The following TBX15 variants were observed in gnomAD, a reference collection of about 807,000 sequenced individuals.
The protein encoded by TBX15 is T-box transcription factor 15.
A neutral mutation model predicts 53.9 loss-of-function variants in TBX15; 18 were observed. That is an observed-to-expected ratio of 0.33 (90% CI 0.23 to 0.49). The LOEUF (loss-of-function observed/expected upper bound fraction) is 0.49. TBX15 is among the 20% of genes least tolerant of loss of function. The pLI is 0.98. For missense variants in TBX15, 692 were observed against 749.5 expected, an observed-to-expected ratio of 0.92 and a Z score of 0.90; for synonymous variants, 295 against 278.0, an observed-to-expected ratio of 1.06 and a Z score of -0.61.
chr1:118,984,713 C>G (rs1657771455), intron 1 of TBX15, among the ~76,000 whole-genome samples: 1 of 152,220 alleles, frequency 6.6e-6, no homozygotes, highest in Admixed American at 6.5e-5. Flanking sequence ...GAGGGTACCT[C>G]ACAGACCCTT....
intron 1 of TBX15, among the ~76,000 whole-genome samples, chr1:118,936,384 A>G (rs1655966499): frequency 6.6e-6 from 1 of 152,148 alleles, no homozygotes; most frequent in Non-Finnish European, 1.5e-5. Context: ...TCTCCACTTA[A>G]CAGTTAATTT....
At chr1:118,905,694 G>T (rs946205) in intron 6 of TBX15, among the ~76,000 whole-genome samples, 134,342 of 152,216 alleles carry the variant, frequency 0.88, 59,437 homozygotes, top group Middle Eastern at 0.9. Context: ...GCAAAATTTT[G>T]GGGGGCTGGT....
intron 6 of TBX15, 134 bp from the exon 7 acceptor site, chr1:118,899,259 T>G (rs1654534860): frequency 1.2e-6 from 1 of 838,590 alleles, no homozygotes; most frequent in Non-Finnish European, 2.0e-6. Context: ...CAAGGTAAAT[T>G]CGGGTGAAAA....
At chr1:118,940,005 T>C (rs1347421011) in intron 1 of TBX15, among the ~76,000 whole-genome samples, 1 of 151,900 alleles carries the variant, frequency 6.6e-6, no homozygotes, top group African/African-American at 2.4e-5. Flanking sequence ...TGTCAGAGTG[T>C]GAATTGAATT....
chr1:118,988,859 G>GAAAC (rs529522656), upstream of TBX15, among the ~76,000 whole-genome samples: 109 of 152,334 alleles, frequency 7.2e-4, no homozygotes, highest in African/African-American at 2.2e-3. Context: ...AAGGCAAAAG[G>GAAAC]AAACAAACAA....
intron 1 of TBX15, among the ~76,000 whole-genome samples, chr1:118,986,383 A>G (rs1475237665): frequency 6.6e-6 from 1 of 152,208 alleles, no homozygotes; most frequent in Non-Finnish European, 1.5e-5. Context: ...ATAATTCCCC[A>G]GCACTAAACT....
Position 118,986,000 on chromosome 1 carries a change from T to C in TBX15, c.205+1591A>G, listed in dbSNP as rs140061653. Among the ~76,000 whole-genome samples, 281 of 152,354 alleles carry C rather than the reference T, an allele frequency of 1.8e-3. 1 individual carries two copies. The highest frequency in any genetic ancestry group is 6.2e-3 in the African/African-American group (259 of 41,592). On this transcript the variant is annotated intron_variant, in intron 1 of 7. Coordinates refer to ENST00000369429, the MANE Select transcript of TBX15 (RefSeq NM_001330677.2). ...TATTACCCATTTGAACATAAGGCCC[T>C]AGACGGGCTCCGTGCGATCTGGGGC... is the stretch of plus-strand genomic sequence containing the variant.
chr1:118,988,526 C>T (rs931262740), upstream of TBX15, among the ~76,000 whole-genome samples: 4 of 152,242 alleles, frequency 2.6e-5, no homozygotes, highest in East Asian at 7.7e-4. Flanking sequence ...TTCCCGGTTT[C>T]CCCATGGGTT....
intron 7 of TBX15, among the ~76,000 whole-genome samples, chr1:118,893,066 AC>A (rs909671424): frequency 2.0e-5 from 3 of 151,718 alleles, no homozygotes; most frequent in Non-Finnish European, 4.4e-5. Context: ...TGGTGAAACC[AC>A]GTCTCTACAA....
intron 1 of TBX15, among the ~76,000 whole-genome samples, chr1:118,946,674 A>G (rs1656357685): frequency 1.3e-5 from 2 of 152,188 alleles, no homozygotes; most frequent in African/African-American, 4.8e-5. Context: ...TCTATGTAGT[A>G]ATGAGTATTA....
At chr1:118,920,061 G>A (rs547139715) in intron 5 of TBX15, among the ~76,000 whole-genome samples, 2 of 152,172 alleles carry the variant, frequency 1.3e-5, no homozygotes, top group African/African-American at 4.8e-5. Flanking sequence ...GAATACTAAG[G>A]TAGAGTGATT....
chr1:118,957,206 A>G (rs537931832), intron 1 of TBX15, among the ~76,000 whole-genome samples: 5 of 152,246 alleles, frequency 3.3e-5, no homozygotes, highest in Admixed American at 6.5e-5. Context: ...CATTGAAAAC[A>G]CAACCATGCA....
chr1:118,916,416 G>A (rs1013358875), intron 5 of TBX15, among the ~76,000 whole-genome samples: 1 of 152,092 alleles, frequency 6.6e-6, no homozygotes, highest in African/African-American at 2.4e-5. Context: ...AAGGCACTAT[G>A]TAACACAGGA....
rs1468327922 is a variant in TBX15 at position 118,926,519 on chromosome 1, T to C, written c.512A>G (p.Lys171Arg). 5.0e-6 allele frequency: 8 copies of C among 1,613,306 alleles called. No homozygotes were observed. Among genetic ancestry groups the C allele is most frequent in the Non-Finnish European group, 6.8e-6 (8 of 1,179,504 alleles). ...IAMDIVPVDN[K>R]RYRYVYHSSK... ...CCAGAGTTATTGTTACCTGTATCTT[T>C]TATTGTCCACAGGCACAATGTCCAT... is the stretch of plus-strand genomic sequence containing the variant. Residue 171 changes from lysine to arginine, a missense_variant, in exon 3 of 8, where the codon AAA becomes AGA. By Grantham distance (26) the Lys-to-Arg change is conservative. This residue lies in a region of TBX15 where 307 missense variants were observed against 347.5 expected (regional missense o/e 0.88). Transcript: ENST00000369429.
chr1:118,914,222 G>T (rs1194423763), intron 5 of TBX15, 43 bp from the exon 6 acceptor site: 3 of 1,566,054 alleles, frequency 1.9e-6, no homozygotes, highest in South Asian at 2.2e-5. Flanking sequence ...TATATTAACT[G>T]ATTTCTTTCT....
At chr1:118,914,608 T>C (rs889153788) in intron 5 of TBX15, among the ~76,000 whole-genome samples, 2 of 152,192 alleles carry the variant, frequency 1.3e-5, no homozygotes, top group African/African-American at 4.8e-5. Flanking sequence ...ATGGACTCAG[T>C]CAATTCAGTT....
Position 118,987,823 on chromosome 1 carries a change from T to C in TBX15, c.-28A>G, listed in dbSNP as rs1170420335. 1.3e-6 allele frequency: 2 copies of C among 1,546,070 alleles called. No individual in the cohort carries two copies. Among genetic ancestry groups the C allele is most frequent in the Admixed American group, 3.9e-5 (2 of 50,928 alleles). On this transcript the variant is annotated 5_prime_UTR_variant, in exon 1 of 8. Transcript: ENST00000369429. Reference sequence around the variant, plus strand: ...TAGCCGCCCACACCCCTGCCTCCGCTTGCCCCCGCTACCGAGGGAGCAGCC... The same window carrying C: ...TAGCCGCCCACACCCCTGCCTCCGCCTGCCCCCGCTACCGAGGGAGCAGCC...
chr1:118,912,009 G>C (rs1164365742), intron 6 of TBX15, among the ~76,000 whole-genome samples: 1 of 152,124 alleles, frequency 6.6e-6, no homozygotes, highest in South Asian at 2.1e-4. Context: ...GACAATAAAT[G>C]GTTAAAGTAT....
intron 1 of TBX15, among the ~76,000 whole-genome samples, chr1:118,959,060 G>A (rs115390600): frequency 9.9e-5 from 15 of 152,100 alleles, no homozygotes; most frequent in Non-Finnish European, 2.1e-4. Context: ...GAGAGTATGT[G>A]TGTGTGAAGT....
Sources: gnomAD v4.1 joint callset for allele counts (sites outside exome capture counted in the v4.1 genomes callset) on GRCh38, gnomAD v4.1.1 for gene constraint, gnomAD v4.1.1 regional missense constraint, MANE v1.5 for transcripts, NCBI Gene and HGNC (gene_info 2026-07-23, HGNC 2026-07-21) for gene names.